SYNPR: variants seen among roughly 807,000 people sequenced by gnomAD.
SYNPR encodes the protein synaptoporin.
In SYNPR, 23 loss-of-function variants were observed where a neutral mutation model predicts 32.9. The observed-to-expected ratio is 0.70, with a 90% CI of 0.50 to 0.99. SYNPR has a LOEUF of 0.99. SYNPR is among the 50% of genes least tolerant of loss of function. The pLI is 0.00. For missense variants in SYNPR, 318 were observed against 349.3 expected (o/e 0.91, Z 0.71); for synonymous variants, 146 against 135.9 (o/e 1.07, Z -0.52).
chr3:63,253,205 T>A (rs1456433159), intron 2 of SYNPR, among the ~76,000 whole-genome samples: 1 of 152,152 alleles, frequency 6.6e-6, no homozygotes, highest in Non-Finnish European at 1.5e-5. Flanking sequence ...ATTTAAATTT[T>A]AATAGCAGCT....
intron 2 of SYNPR, among the ~76,000 whole-genome samples, chr3:63,328,014 G>A (rs1445491149): frequency 1.3e-5 from 2 of 152,120 alleles, no homozygotes; most frequent in Non-Finnish European, 1.5e-5. Flanking sequence ...AATTAATTGG[G>A]CATAAATTGC....
In SYNPR at chr3:63,287,422, G is replaced by C. The variant is rs552573968; in HGVS notation, c.84+8680G>C. On this transcript the variant is annotated intron_variant, in intron 2 of 5. Coordinates refer to ENST00000478300, the MANE Select transcript of SYNPR (RefSeq NM_001130003.2). ...GTCTAGGGAGGTCTTACTAGATAAG[G>C]TCAGCCTTCTGACGGCTCCCAGACC... Among the ~76,000 whole-genome samples, 45 of 152,066 alleles carry C rather than the reference G, an allele frequency of 3.0e-4. 1 individual carries two copies. In the South Asian group the frequency reaches 5.0e-3, roughly 17 times the overall value.
At chr3:63,291,366 A>G (rs1429782984) in intron 2 of SYNPR, among the ~76,000 whole-genome samples, 3 of 148,526 alleles carry the variant, frequency 2.0e-5, no homozygotes, top group Non-Finnish European at 4.5e-5. Flanking sequence ...GTTTATGTGT[A>G]TGAAAGTTCC....
At chr3:63,515,328 C>A (rs1701775859) in intron 3 of SYNPR, among the ~76,000 whole-genome samples, 1 of 152,078 alleles carries the variant, frequency 6.6e-6, no homozygotes, top group Non-Finnish European at 1.5e-5. Flanking sequence ...CAGATTAAAT[C>A]TCCCACTCTT....
intron 4 of SYNPR, among the ~76,000 whole-genome samples, chr3:63,599,084 G>A (rs537984630): frequency 6.6e-6 from 1 of 152,110 alleles, no homozygotes; most frequent in African/African-American, 2.4e-5. Flanking sequence ...TGCTAGTACA[G>A]TCATGTACCC....
chr3:63,615,619 G>A lies in SYNPR; in HGVS notation c.*138G>A. 9 of 1,196,704 alleles carry A rather than the reference G, an allele frequency of 7.5e-6. No individual in the cohort carries two copies. Among genetic ancestry groups the A allele is most frequent in the Admixed American group, 3.0e-5 (1 of 33,706 alleles). The allele number at this position is 1,196,704 out of a possible 1,614,324, so 74.1% of individuals were successfully genotyped here. ...TCAGAGCTCTCTAGTCTTCATTAAG[G>A]CAGCAAGTCCTGGGTTGTGAAAAAT... On this transcript the variant is annotated 3_prime_UTR_variant, in exon 6 of 6. Coordinates refer to ENST00000478300, the MANE Select transcript of SYNPR (RefSeq NM_001130003.2).
chr3:63,364,725 G>A (rs1168038380), intron 2 of SYNPR, among the ~76,000 whole-genome samples: 1 of 152,152 alleles, frequency 6.6e-6, no homozygotes, highest in Non-Finnish European at 1.5e-5. Context: ...GAAGTGGTTT[G>A]TATTTAGGAG....
intron 2 of SYNPR, among the ~76,000 whole-genome samples, chr3:63,431,283 C>T (rs1352403936): frequency 6.6e-6 from 1 of 152,164 alleles, no homozygotes; most frequent in African/African-American, 2.4e-5. Context: ...AATGACCTAG[C>T]AGAATTTTGA....
chr3:63,228,351 T>C (rs978629300), exon 1 of SYNPR: 1 of 152,216 alleles, frequency 6.6e-6, no homozygotes, highest in African/African-American at 2.4e-5. Context: ...GAAGCTAGTC[T>C]AAATGATCAT....
At chr3:63,361,724 G>A (rs998334478) in intron 2 of SYNPR, among the ~76,000 whole-genome samples, 2 of 151,942 alleles carry the variant, frequency 1.3e-5, no homozygotes, top group Non-Finnish European at 2.9e-5. Context: ...GATGATAGCT[G>A]TGATTGCAGT....
At chr3:63,429,044 G>T (rs761250599) in intron 2 of SYNPR, among the ~76,000 whole-genome samples, 16 of 152,160 alleles carry the variant, frequency 1.1e-4, no homozygotes, top group Non-Finnish European at 1.8e-4. Context: ...GAACTGGAAG[G>T]CATATGGAAA....
chr3:63,380,297 C>T (rs1313142374), intron 2 of SYNPR, among the ~76,000 whole-genome samples: 1 of 152,154 alleles, frequency 6.6e-6, no homozygotes, highest in Non-Finnish European at 1.5e-5. Context: ...AGTTTACAGT[C>T]CCACCAACAG....
chr3:63,237,574 A>T (rs369414884), intron 1 of SYNPR, among the ~76,000 whole-genome samples: 1 of 151,672 alleles, frequency 6.6e-6, no homozygotes, highest in East Asian at 1.9e-4. Flanking sequence ...TCTCTCCTTC[A>T]AGTTGCGATG....
the SYNPR span, among the ~76,000 whole-genome samples, chr3:63,217,400 A>G: frequency 1.8e-5 from 1 of 56,904 alleles, no homozygotes; most frequent in African/African-American, 5.8e-5. Context: ...GGTGTGGGAT[A>G]TAGTCTCGTG....
intron 4 of SYNPR, among the ~76,000 whole-genome samples, chr3:63,595,424 T>A (rs1429595548): frequency 6.6e-6 from 1 of 151,722 alleles, no homozygotes; most frequent in Non-Finnish European, 1.5e-5. Flanking sequence ...TGCCAATGGA[T>A]TTGTCATTAA....
At chr3:63,211,784 G>A in the SYNPR span, among the ~76,000 whole-genome samples, 1 of 141,014 alleles carries the variant, frequency 7.1e-6, no homozygotes, top group African/African-American at 2.7e-5. Flanking sequence ...ATGTATACAT[G>A]TGCCATGCTG....
At chr3:63,292,813 A>T (rs1458690048) in intron 2 of SYNPR, among the ~76,000 whole-genome samples, 1 of 152,216 alleles carries the variant, frequency 6.6e-6, no homozygotes, top group Non-Finnish European at 1.5e-5. Context: ...ATGCACACAT[A>T]TGTTCTTTGT....
chr3:63,319,399 T>C (rs1337167620), intron 2 of SYNPR, among the ~76,000 whole-genome samples: 3 of 152,092 alleles, frequency 2.0e-5, no homozygotes, highest in Non-Finnish European at 4.4e-5. Context: ...TTGCTTTGGC[T>C]ATTCTGTGTC....
At chr3:63,533,165 G>C (rs896432142) in intron 3 of SYNPR, among the ~76,000 whole-genome samples, 9 of 152,102 alleles carry the variant, frequency 5.9e-5, no homozygotes, top group Admixed American at 2.0e-4. Context: ...TGTGTTTCTA[G>C]GATCTGGGAC....
Sources: gnomAD v4.1 joint callset for allele counts (sites outside exome capture counted in the v4.1 genomes callset) on GRCh38, gnomAD v4.1.1 for gene constraint, MANE v1.5 for transcripts, NCBI Gene and HGNC (gene_info 2026-07-23, HGNC 2026-07-21) for gene names.